CMSS1: variants seen among roughly 807,000 people sequenced by gnomAD.
The protein encoded by CMSS1 is cms1 ribosomal small subunit homolog.
A neutral mutation model predicts 43.5 loss-of-function variants in CMSS1; 33 were observed. The ratio of observed to expected loss-of-function variants is 0.76; its 90% CI spans 0.57 to 1.01. CMSS1 has a LOEUF of 1.01. CMSS1 is among the 50% of genes least tolerant of loss of function. The probability of loss-of-function intolerance (pLI) is 0.00; values close to 1 mark genes in which losing one functional copy is unlikely to be tolerated. For missense variants in CMSS1, 313 were observed against 326.4 expected, an observed-to-expected ratio of 0.96 and a Z score of 0.32; for synonymous variants, 115 against 117.2, an observed-to-expected ratio of 0.98 and a Z score of 0.12.
intron 1 of CMSS1, among the ~76,000 whole-genome samples, chr3:100,128,399 T>A (rs566168543): frequency 6.6e-6 from 1 of 152,316 alleles, no homozygotes; most frequent in South Asian, 2.1e-4. Context: ...ACCAAAAAAA[T>A]CCAATTGATC....
In CMSS1 at chr3:99,847,280, C is replaced by T. The variant is rs555134932; in HGVS notation, c.64+29237C>T. On this transcript the variant is annotated intron_variant, in intron 1 of 9. Transcript: ENST00000421999. ...GGCCCCTTATGAACAGGGTAGGTAG[C>T]ACCTACATTAAGTAATTCAAACTGT... Among the ~76,000 whole-genome samples, 6 of 149,746 alleles carry T rather than the reference C, an allele frequency of 4.0e-5. No homozygotes were observed. In the East Asian group the frequency reaches 1.2e-3, roughly 29 times the overall value.
intron 1 of CMSS1, among the ~76,000 whole-genome samples, chr3:100,019,888 ACT>A (rs2064776506): frequency 6.6e-6 from 1 of 151,920 alleles, no homozygotes; most frequent in Non-Finnish European, 1.5e-5. Context: ...AGCTACAGTG[ACT>A]CTTTTTTTCA....
chr3:100,106,609 C>CT (rs1559759472), intron 1 of CMSS1, among the ~76,000 whole-genome samples: 1 of 152,150 alleles, frequency 6.6e-6, no homozygotes, highest in Admixed American at 6.6e-5. Flanking sequence ...ATCATTTTCT[C>CT]TAACTGTGTT....
At chr3:100,178,084 A>G (rs956760365) in intron 9 of CMSS1, among the ~76,000 whole-genome samples, 1 of 152,194 alleles carries the variant, frequency 6.6e-6, no homozygotes, top group African/African-American at 2.4e-5. Flanking sequence ...ACGCCACTGC[A>G]CTCCAGCATG....
intron 1 of CMSS1, among the ~76,000 whole-genome samples, chr3:99,903,729 A>C (rs1278248212): frequency 1.3e-5 from 2 of 152,122 alleles, no homozygotes; most frequent in Non-Finnish European, 2.9e-5. Flanking sequence ...ACCATGAGAA[A>C]CTGGGACCCT....
chr3:100,017,732 C>T (rs1710385578), intron 1 of CMSS1, among the ~76,000 whole-genome samples: 2 of 151,332 alleles, frequency 1.3e-5, no homozygotes, highest in East Asian at 2.0e-4. Context: ...CAAAACCAGC[C>T]GAGGCAACAA....
chr3:99,934,167 A>T (rs1707583072), intron 1 of CMSS1, among the ~76,000 whole-genome samples: 1 of 152,184 alleles, frequency 6.6e-6, no homozygotes, highest in African/African-American at 2.4e-5. Context: ...AGCTCCCAAC[A>T]TCTCATTTGT....
chr3:99,944,168 T>A (rs903131147), intron 1 of CMSS1, among the ~76,000 whole-genome samples: 1 of 152,208 alleles, frequency 6.6e-6, no homozygotes, highest in Non-Finnish European at 1.5e-5. Flanking sequence ...GTTCTTCTAG[T>A]CAGTGCTAAA....
chr3:100,093,782 AT>A (rs1265790830), intron 1 of CMSS1, among the ~76,000 whole-genome samples: 10 of 152,390 alleles, frequency 6.6e-5, no homozygotes, highest in Admixed American at 1.3e-4. Context: ...AAAACAGTAT[AT>A]AAATAGAATC....
intron 1 of CMSS1, among the ~76,000 whole-genome samples, chr3:100,086,113 A>C (rs2066004269): frequency 6.6e-6 from 1 of 152,252 alleles, no homozygotes; most frequent in African/African-American, 2.4e-5. Flanking sequence ...TGAAATAAAC[A>C]TGTATCTTTC....
At chr3:100,095,329 C>T (rs1302272908) in intron 1 of CMSS1, among the ~76,000 whole-genome samples, 1 of 152,114 alleles carries the variant, frequency 6.6e-6, no homozygotes, top group Non-Finnish European at 1.5e-5. Flanking sequence ...GATAAATCGA[C>T]GTGTTTGCTA....
chr3:100,108,978 C>A (rs1404450772), intron 1 of CMSS1, among the ~76,000 whole-genome samples: 1 of 151,536 alleles, frequency 6.6e-6, no homozygotes, highest in Non-Finnish European at 1.5e-5. Flanking sequence ...GAGTTTATTG[C>A]GTAGTTTTTG....
chr3:99,957,768 A>T (rs1708376365), intron 1 of CMSS1, among the ~76,000 whole-genome samples: 1 of 135,484 alleles, frequency 7.4e-6, no homozygotes, highest in African/African-American at 2.8e-5. Flanking sequence ...CACAGGTTCC[A>T]TTCAGTGATA....
chr3:99,955,320 A>G (rs1414062696), intron 1 of CMSS1, among the ~76,000 whole-genome samples: 1 of 152,220 alleles, frequency 6.6e-6, no homozygotes, highest in Non-Finnish European at 1.5e-5. Flanking sequence ...CAAGGAGTAT[A>G]AACAGAGACC....
At chr3:99,943,652 C>T (rs1362887928) in intron 1 of CMSS1, among the ~76,000 whole-genome samples, 8 of 151,788 alleles carry the variant, frequency 5.3e-5, no homozygotes, top group South Asian at 2.1e-4. Context: ...TGCAGTGATC[C>T]GAGATCACGC....
Position 99,924,344 on chromosome 3 carries a change from G to T in CMSS1, c.64+106301G>T, listed in dbSNP as rs1707220367. On this transcript the variant is annotated intron_variant, in intron 1 of 9. Coordinates refer to ENST00000421999, the MANE Select transcript of CMSS1 (RefSeq NM_032359.4). Reference sequence around the variant, plus strand: ...TATGGTTTGCCTACGGGATTTTTCTGCCACTAAAAGCTGTCCCAGGATTCG... The same window carrying T: ...TATGGTTTGCCTACGGGATTTTTCTTCCACTAAAAGCTGTCCCAGGATTCG... 6.2e-7 allele frequency: 1 copy of T among 1,613,918 alleles called. No homozygotes were observed. The highest frequency in any genetic ancestry group is 2.2e-5 in the East Asian group (1 of 44,878).
intron 1 of CMSS1, among the ~76,000 whole-genome samples, chr3:100,031,799 G>A (rs954985492): frequency 6.6e-6 from 1 of 152,152 alleles, no homozygotes; most frequent in South Asian, 2.1e-4. Flanking sequence ...AGTGTCAACA[G>A]ACTTTTTTGT....
intron 4 of CMSS1, 24 bp downstream of exon 4, chr3:100,162,456 TA>T (rs920104865): frequency 2.0e-5 from 32 of 1,600,564 alleles, no homozygotes; most frequent in Non-Finnish European, 2.7e-5. Context: ...TCAATTTTCC[TA>T]AAGACAAGGA....
intron 1 of CMSS1, among the ~76,000 whole-genome samples, chr3:100,138,486 A>G (rs1398696731): frequency 6.6e-6 from 1 of 152,242 alleles, no homozygotes; most frequent in Non-Finnish European, 1.5e-5. Context: ...GAACTTAAAC[A>G]AATTTACAAG....
Sources: gnomAD v4.1 joint callset for allele counts (sites outside exome capture counted in the v4.1 genomes callset) on GRCh38, gnomAD v4.1.1 for gene constraint, MANE v1.5 for transcripts, NCBI Gene and HGNC (gene_info 2026-07-23, HGNC 2026-07-21) for gene names.